The following GNAQ variants were observed in gnomAD, a reference collection of about 807,000 sequenced individuals.
GNAQ encodes guanine nucleotide-binding protein G(q) subunit alpha.
In GNAQ, 8 loss-of-function variants were observed where a neutral mutation model predicts 43.9. The observed-to-expected ratio is 0.18, with a 90% confidence interval of 0.11 to 0.33. GNAQ has a LOEUF of 0.33. GNAQ is among the 10% of genes least tolerant of loss of function. The pLI, the probability that GNAQ is intolerant of heterozygous loss-of-function variation, is 1.00. For missense variants in GNAQ, 158 were observed against 450.8 expected (o/e 0.35, Z 5.88); for synonymous variants, 155 against 170.7 (o/e 0.91, Z 0.71).
intron 1 of GNAQ, among the ~76,000 whole-genome samples, chr9:77,964,211 C>T (rs1823139218): frequency 2.0e-5 from 3 of 151,994 alleles, no homozygotes; most frequent in South Asian, 4.1e-4. Context: ...GTTAACTTAT[C>T]GAAAGGACAT....
At position 77,716,716 on chromosome 9, in the gene GNAQ, A is replaced by G. The variant is rs1825232311; in HGVS notation, c.*4607T>C. ...AAAAGTCAGAATTTCTTTATCCAAG[A>G]TCTGATTTTACCCAATAGATGTTTT... is the stretch of plus-strand genomic sequence containing the variant. On this transcript the variant is annotated 3_prime_UTR_variant, in exon 7 of 7. Transcript: ENST00000286548. 1 of 232,954 alleles carries G rather than the reference A, an allele frequency of 4.3e-6. No homozygotes were observed. Among genetic ancestry groups the G allele is most frequent in the Admixed American group, 5.6e-5 (1 of 17,774 alleles). The allele number at this position is 232,954 out of a possible 1,614,324, so 14.4% of individuals were successfully genotyped here.
intron 2 of GNAQ, among the ~76,000 whole-genome samples, chr9:77,898,286 C>G (rs1466419082): frequency 6.6e-6 from 1 of 152,200 alleles, no homozygotes; most frequent in African/African-American, 2.4e-5. Context: ...TCTTGGGTGA[C>G]AGTGACTGGG....
intron 1 of GNAQ, among the ~76,000 whole-genome samples, chr9:78,009,278 T>C (rs948380662): frequency 6.6e-6 from 1 of 152,194 alleles, no homozygotes; most frequent in Non-Finnish European, 1.5e-5. Context: ...TCACCAACAA[T>C]GTGCACTGCC....
chr9:77,769,965 C>T (rs1428700368), intron 5 of GNAQ, among the ~76,000 whole-genome samples: 1 of 151,988 alleles, frequency 6.6e-6, no homozygotes, highest in Non-Finnish European at 1.5e-5. Flanking sequence ...CGCGCCTGGC[C>T]AAGACAAGAA....
At position 77,920,039 on chromosome 9, in the gene GNAQ, T is replaced by C. The variant is rs1308793524; in HGVS notation, c.321+2122A>G. On this transcript the variant is annotated intron_variant, in intron 2 of 6. Transcript: ENST00000286548. ...CTGTAGTCCCAGCTACTTGGGATGC[T>C]GAGGCAGGAGAATCGCTTGAACCTG... is the stretch of plus-strand genomic sequence containing the variant. 2.0e-5 allele frequency among the ~76,000 whole-genome samples: 3 copies of C among 151,950 alleles called. No homozygotes were observed. The East Asian group carries it at 5.8e-4, about 29-fold the overall frequency.
intron 5 of GNAQ, among the ~76,000 whole-genome samples, chr9:77,758,837 AG>A (rs1825944241): frequency 2.0e-5 from 3 of 152,108 alleles, no homozygotes; most frequent in Admixed American, 6.5e-5. Context: ...TCTGCACGTA[AG>A]TTTTTGTACA....
At chr9:77,870,272 A>C (rs1828015145) in intron 2 of GNAQ, among the ~76,000 whole-genome samples, 1 of 150,558 alleles carries the variant, frequency 6.6e-6, no homozygotes, top group Non-Finnish European at 1.5e-5. Context: ...AAATGAGGTT[A>C]CAGGAAGCAG....
intron 1 of GNAQ, among the ~76,000 whole-genome samples, chr9:77,981,049 A>C (rs988916376): frequency 6.6e-6 from 1 of 152,240 alleles, no homozygotes; most frequent in Non-Finnish European, 1.5e-5. Flanking sequence ...CTTCTATTAG[A>C]AAGTGAGTGG....
At chr9:77,968,777 C>T (rs977482930) in intron 1 of GNAQ, among the ~76,000 whole-genome samples, 3 of 152,154 alleles carry the variant, frequency 2.0e-5, no homozygotes, top group Non-Finnish European at 4.4e-5. Context: ...ACAATTATGC[C>T]GGGGCTCTTA....
chr9:77,828,612 G>A (rs139226111), intron 2 of GNAQ, among the ~76,000 whole-genome samples: 1 of 152,172 alleles, frequency 6.6e-6, no homozygotes, highest in African/African-American at 2.4e-5. Flanking sequence ...TTAGGTCAGA[G>A]ACTAATATTT....
chr9:78,024,567 C>T (rs187467542), intron 1 of GNAQ, among the ~76,000 whole-genome samples: 30 of 152,252 alleles, frequency 2.0e-4, no homozygotes, highest in Non-Finnish European at 3.5e-4. Context: ...CAGGAAGCTC[C>T]TACAATGGCC....
At chr9:78,004,758 G>A (rs1823685082) in intron 1 of GNAQ, among the ~76,000 whole-genome samples, 1 of 152,078 alleles carries the variant, frequency 6.6e-6, no homozygotes, top group South Asian at 2.1e-4. Context: ...TGAGAAAGAG[G>A]CACCATTTAA....
At chr9:77,886,719 CAAAT>C (rs1017953665) in intron 2 of GNAQ, among the ~76,000 whole-genome samples, 76 of 152,086 alleles carry the variant, frequency 5.0e-4, no homozygotes, top group African/African-American at 1.7e-3. Flanking sequence ...AGCAATCAAA[CAAAT>C]AAACAAAAAA....
intron 1 of GNAQ, among the ~76,000 whole-genome samples, chr9:77,936,676 T>C (rs1386264035): frequency 4.6e-5 from 7 of 152,210 alleles, no homozygotes; most frequent in Non-Finnish European, 1.0e-4. Flanking sequence ...AGTTGGGTGA[T>C]ATTTCCAGGG....
intron 1 of GNAQ, among the ~76,000 whole-genome samples, chr9:78,021,982 G>A (rs986659186): frequency 6.6e-6 from 1 of 152,172 alleles, no homozygotes; most frequent in African/African-American, 2.4e-5. Context: ...ATGACAGGAG[G>A]TTTCTGATAC....
At chr9:77,801,055 A>C (rs1826736668) in intron 3 of GNAQ, among the ~76,000 whole-genome samples, 1 of 152,224 alleles carries the variant, frequency 6.6e-6, no homozygotes, top group African/African-American at 2.4e-5. Flanking sequence ...CCTGAGGTAA[A>C]GGGAAAGTGT....
At chr9:77,874,818 G>A (rs1041701553) in intron 2 of GNAQ, among the ~76,000 whole-genome samples, 1 of 151,786 alleles carries the variant, frequency 6.6e-6, no homozygotes, top group African/African-American at 2.4e-5. Context: ...TAGAGGTTTC[G>A]CCATGTTGGA....
intron 6 of GNAQ, among the ~76,000 whole-genome samples, chr9:77,725,578 G>GAA (rs1825384908): frequency 1.1e-4 from 2 of 18,390 alleles, no homozygotes; most frequent in African/African-American, 3.5e-4. Flanking sequence ...TAAGGTAACA[G>GAA]TAAAAAAAAA....
chr9:77,922,078 T>C (rs1038105629), intron 2 of GNAQ, 83 bp downstream of exon 2: 3 of 881,062 alleles, frequency 3.4e-6, no homozygotes, highest in Non-Finnish European at 5.5e-6. Context: ...ACTCCAGACA[T>C]GTCAAGAGGC....
Sources: allele counts gnomAD v4.1 joint callset (sites outside exome capture counted in the v4.1 genomes callset), GRCh38; gene constraint gnomAD v4.1.1; transcripts MANE v1.5; gene names NCBI Gene and HGNC (gene_info 2026-07-23, HGNC 2026-07-21).